The following TM9SF3 variants were observed in gnomAD, a reference collection of about 807,000 sequenced individuals.
TM9SF3 encodes SM-11044-binding protein.
TM9SF3 carries 14 observed loss-of-function variants against 78.6 expected under a neutral mutation model. The ratio of observed to expected loss-of-function variants is 0.18; its 90% CI spans 0.12 to 0.28. The LOEUF is 0.28. Ranked by LOEUF, TM9SF3 falls within the 10% of genes least tolerant of loss-of-function variation. The pLI is 1.00. For missense variants in TM9SF3, 496 were observed against 721.9 expected, an observed-to-expected ratio of 0.69 and a Z score of 3.59; for synonymous variants, 231 against 241.7, an observed-to-expected ratio of 0.96 and a Z score of 0.41.
chr10:96,537,368 T>C (rs547110336), intron 9 of TM9SF3, among the ~76,000 whole-genome samples: 2 of 152,370 alleles, frequency 1.3e-5, no homozygotes, highest in East Asian at 3.9e-4. Flanking sequence ...CTTGTAAGAT[T>C]AGGCTATAAC....
intron 2 of TM9SF3, among the ~76,000 whole-genome samples, chr10:96,571,600 A>C (rs903066111): frequency 6.6e-6 from 1 of 152,268 alleles, no homozygotes; most frequent in African/African-American, 2.4e-5. Context: ...AGAACAGCCA[A>C]GATTGAGAAT....
chr10:96,536,286 A>C (rs1251541490), intron 9 of TM9SF3, among the ~76,000 whole-genome samples: 1 of 152,176 alleles, frequency 6.6e-6, no homozygotes, highest in Non-Finnish European at 1.5e-5. Context: ...CTTCTATTCA[A>C]CATTATACTG....
In TM9SF3 at chr10:96,518,222, A is replaced by AGGGG. The variant is rs1847718270; in HGVS notation, c.*4040_*4041insCCCC. The AGGGG allele has an allele frequency of 6.6e-6, 1 of 152,228 alleles. No individual in the cohort carries two copies. The highest frequency in any genetic ancestry group is 1.9e-4 in the East Asian group (1 of 5,202). 9.4% of individuals were successfully genotyped at this position (152,228 alleles called of 1,614,324 possible). A position where few individuals can be genotyped will look rare whatever the true frequency, so the allele number is the denominator to read the frequency against. ...ATATACTGGATTTCTATTACTAAAAAGCCAGTTGGAATATGGCCTATACGA... is the reference window on the plus strand; with the variant it reads ...ATATACTGGATTTCTATTACTAAAAAGGGGGCCAGTTGGAATATGGCCTATACGA... On this transcript the variant is annotated 3_prime_UTR_variant, in exon 15 of 15. Transcript: ENST00000371142.
chr10:96,560,127 G>A, intron 4 of TM9SF3: 1 of 702,904 alleles, frequency 1.4e-6, no homozygotes, highest in Non-Finnish European at 2.6e-6. Flanking sequence ...GTTCTCTTGA[G>A]CAGAAGTCAT....
intron 5 of TM9SF3, among the ~76,000 whole-genome samples, chr10:96,556,075 T>G (rs1293428058): frequency 6.6e-6 from 1 of 152,218 alleles, no homozygotes; most frequent in Non-Finnish European, 1.5e-5. Context: ...TATTCCTTTA[T>G]TCTAAAAATT....
Position 96,520,584 on chromosome 10 carries a change from T to G in TM9SF3, c.*1679A>C. The G allele has an allele frequency of 3.4e-6, 1 of 298,338 alleles. No homozygotes were observed. Among genetic ancestry groups the G allele is most frequent in the Admixed American group, 5.5e-5 (1 of 18,038 alleles). The allele number at this position is 298,338 out of a possible 1,614,324, so 18.5% of individuals were successfully genotyped here. On this transcript the variant is annotated 3_prime_UTR_variant, in exon 15 of 15. Coordinates refer to ENST00000371142, the MANE Select transcript of TM9SF3 (RefSeq NM_020123.4). ...TATAAAGTATTGTTTTAGGTGGTCA[T>G]TTGCATAGCAAACTATTAAACTAGA...
intron 4 of TM9SF3, among the ~76,000 whole-genome samples, chr10:96,561,551 A>T (rs1374246605): frequency 6.6e-6 from 1 of 152,228 alleles, no homozygotes; most frequent in Non-Finnish European, 1.5e-5. Flanking sequence ...GCAGGAGTAT[A>T]TTATTCCAAC....
At position 96,586,964 on chromosome 10, in the gene TM9SF3, C is replaced by G. The variant is rs1194978225; in HGVS notation, c.-129G>C. 1 of 678,586 alleles carries G rather than the reference C, an allele frequency of 1.5e-6. No individual in the cohort carries two copies. Among genetic ancestry groups the G allele is most frequent in the African/African-American group, 1.9e-5 (1 of 51,878 alleles). 42.0% of individuals were successfully genotyped at this position (678,586 alleles called of 1,614,324 possible). A position where few individuals can be genotyped will look rare whatever the true frequency, so the allele number is the denominator to read the frequency against. ...CGCGGACAGACGCACGGGGCCCGGC[C>G]CAGCCGCTGCCTCCTCTGCCGCCGC... On this transcript the variant is annotated 5_prime_UTR_variant, in exon 1 of 15. Transcript: ENST00000371142.
At chr10:96,558,678 C>T (rs1341116853) in intron 5 of TM9SF3, among the ~76,000 whole-genome samples, 2 of 151,570 alleles carry the variant, frequency 1.3e-5, no homozygotes, top group Admixed American at 6.6e-5. Context: ...TTCCAAATAG[C>T]TTAATTGTTA....
chr10:96,559,292 CTT>C (rs774305806), intron 5 of TM9SF3, among the ~76,000 whole-genome samples: 4 of 152,230 alleles, frequency 2.6e-5, no homozygotes, highest in Admixed American at 6.5e-5. Flanking sequence ...AAGAAGCCCA[CTT>C]GATCACAGAT....
intron 4 of TM9SF3, chr10:96,560,472 C>T (rs1169945909): frequency 1.3e-6 from 1 of 758,202 alleles, no homozygotes; most frequent in Non-Finnish European, 2.4e-6. Flanking sequence ...AATCACACCA[C>T]CAGTGCTTTT....
rs563967797 is a variant in TM9SF3, at chr10:96,521,260, T to C, written c.*1003A>G. The C allele has an allele frequency of 3.2e-5, 6 of 190,298 alleles. No individual in the cohort carries two copies. In the South Asian group the frequency reaches 1.2e-3, roughly 37 times the overall value. 11.8% of individuals were successfully genotyped at this position (190,298 alleles called of 1,614,324 possible). Reference sequence around the variant, plus strand: ...TACACCAATCATCATAAGAAAAAAGTACTCTGTAGTCGATCTGTACATCCA... The same window carrying C: ...TACACCAATCATCATAAGAAAAAAGCACTCTGTAGTCGATCTGTACATCCA... On this transcript the variant is annotated 3_prime_UTR_variant, in exon 15 of 15. Coordinates refer to ENST00000371142, the MANE Select transcript of TM9SF3 (RefSeq NM_020123.4).
At chr10:96,542,419 A>G (rs1393383166) in intron 9 of TM9SF3, among the ~76,000 whole-genome samples, 1 of 152,178 alleles carries the variant, frequency 6.6e-6, no homozygotes, top group African/African-American at 2.4e-5. Flanking sequence ...CAGACTTTAA[A>G]TATTATATTC....
At chr10:96,537,998 A>C (rs1276244135) in intron 9 of TM9SF3, among the ~76,000 whole-genome samples, 3 of 152,216 alleles carry the variant, frequency 2.0e-5, no homozygotes, top group Admixed American at 6.5e-5. Flanking sequence ...TGTAATCACA[A>C]TCAAAACCCC....
chr10:96,552,155 T>C (rs1053353090), intron 6 of TM9SF3, among the ~76,000 whole-genome samples: 4 of 152,118 alleles, frequency 2.6e-5, no homozygotes, highest in African/African-American at 4.8e-5. Flanking sequence ...ATTTAAAATT[T>C]GAAACTATTT....
At chr10:96,526,725 A>C (rs1589445558) in intron 14 of TM9SF3, among the ~76,000 whole-genome samples, 1 of 152,160 alleles carries the variant, frequency 6.6e-6, no homozygotes, top group South Asian at 2.1e-4. Flanking sequence ...AATCATAACA[A>C]GTAAACTGTG....
chr10:96,547,780 A>C, intron 8 of TM9SF3, 115 bp downstream of exon 8: 1 of 821,998 alleles, frequency 1.2e-6, no homozygotes, highest in Non-Finnish European at 1.9e-6. Flanking sequence ...AGATTGCACC[A>C]CTGCACTCCA....
At chr10:96,523,013 T>C (rs1281836729) in intron 14 of TM9SF3, among the ~76,000 whole-genome samples, 1 of 151,892 alleles carries the variant, frequency 6.6e-6, no homozygotes, top group Non-Finnish European at 1.5e-5. Flanking sequence ...TTAAGTAAAA[T>C]ATTTATCTCC....
intron 10 of TM9SF3, among the ~76,000 whole-genome samples, chr10:96,530,983 G>A (rs993389358): frequency 2.0e-5 from 3 of 151,762 alleles, no homozygotes; most frequent in South Asian, 4.1e-4. Context: ...AGAGTCTAGA[G>A]ACCTCCATTT....
Sources: gnomAD v4.1 joint callset for allele counts (sites outside exome capture counted in the v4.1 genomes callset) on GRCh38, gnomAD v4.1.1 for gene constraint, MANE v1.5 for transcripts, NCBI Gene and HGNC (gene_info 2026-07-23, HGNC 2026-07-21) for gene names.